The following ARAP2 variants were observed in gnomAD, a reference collection of about 807,000 sequenced individuals.
ARAP2 encodes arf-GAP with Rho-GAP domain, ANK repeat and PH domain-containing protein 2.
ARAP2 carries 148 observed loss-of-function variants against 194.5 expected under a neutral mutation model. That is an observed-to-expected ratio of 0.76 (90% CI 0.67 to 0.87). The LOEUF is 0.87. Among genes scored for constraint, ARAP2 ranks in the 40% least tolerant of loss-of-function variants. The probability of loss-of-function intolerance (pLI) is 0.00; values close to 1 mark genes in which losing one functional copy is unlikely to be tolerated. For synonymous variants in ARAP2, 695 were observed against 683.5 expected, an observed-to-expected ratio of 1.02 and a Z score of -0.26; for missense variants, 2,128 against 1,989.7, an observed-to-expected ratio of 1.07 and a Z score of -1.32.
rs71199697 is a variant in ARAP2 at position 36,134,735 on chromosome 4, T to TACACACAC, written c.3264-1354_3264-1347dup. On this transcript the variant is annotated intron_variant, in intron 19 of 32. Coordinates refer to ENST00000303965, the MANE Select transcript of ARAP2 (RefSeq NM_015230.4). The stretch of plus-strand genomic sequence containing the variant: ...CTCAGGAAACATAAACACACACAAA[T>TACACACAC]ACACACACACACACACACACACACA... Among the ~76,000 whole-genome samples, 933 of 148,160 alleles carry TACACACAC rather than the reference T, an allele frequency of 6.3e-3. 9 individuals are homozygous for TACACACAC. The highest frequency in any genetic ancestry group is 0.022 in the African/African-American group (866 of 40,204).
chr4:36,137,532 C>T (rs749438324), intron 19 of ARAP2, among the ~76,000 whole-genome samples: 3 of 151,714 alleles, frequency 2.0e-5, no homozygotes, highest in Admixed American at 1.3e-4. Context: ...TCACATAAGC[C>T]GAAGTTTTGA....
chr4:36,242,914 C>T (rs930115727), intron 1 of ARAP2, among the ~76,000 whole-genome samples: 19 of 152,138 alleles, frequency 1.2e-4, no homozygotes, highest in African/African-American at 4.3e-4. Context: ...TTAGGAACCA[C>T]CTTAAATGTG....
chr4:36,223,812 C>T (rs931446230), intron 2 of ARAP2, among the ~76,000 whole-genome samples: 1 of 151,894 alleles, frequency 6.6e-6, no homozygotes. Flanking sequence ...GAGCCGTCAC[C>T]AAAACCAAAG....
At chr4:36,244,660 CGCCACCTGGCGCACCTCG>C (rs1754334213), upstream of ARAP2, among the ~76,000 whole-genome samples, 1 of 152,068 alleles carries the variant, frequency 6.6e-6, no homozygotes, top group African/African-American at 2.4e-5. Flanking sequence ...CTGGCACCCT[CGCCACCTGGCGCACCTCG>C]GCCCGGAGGC....
chr4:36,195,308 G>C (rs4832798), intron 6 of ARAP2, among the ~76,000 whole-genome samples: 136,841 of 152,306 alleles, frequency 0.9, 61,599 homozygotes, highest in East Asian at 1. Context: ...ACATCCAACA[G>C]TGTTAGAGCC....
chr4:36,109,278 T>C (rs950079792), intron 26 of ARAP2, among the ~76,000 whole-genome samples: 2 of 151,850 alleles, frequency 1.3e-5, no homozygotes, highest in Non-Finnish European at 2.9e-5. Flanking sequence ...ATTATAATAA[T>C]GGCAAGAATA....
chr4:36,074,572 A>T (rs1017686072), intron 31 of ARAP2, among the ~76,000 whole-genome samples: 1 of 152,104 alleles, frequency 6.6e-6, no homozygotes, highest in Non-Finnish European at 1.5e-5. Context: ...TCCCCAGGGT[A>T]GATTAACTTT....
chr4:36,065,212 G>T, downstream of ARAP2: 3 of 373,776 alleles, frequency 8.0e-6, no homozygotes, highest in South Asian at 4.6e-5. Flanking sequence ...TCTTCAGAGT[G>T]AGCCTGCTCT....
intron 15 of ARAP2, among the ~76,000 whole-genome samples, chr4:36,154,119 T>C (rs754632836): frequency 3.9e-5 from 6 of 152,176 alleles, no homozygotes; most frequent in Non-Finnish European, 7.4e-5. Context: ...GCTTGAACTA[T>C]ATACATTCAA....
At chr4:36,096,473 T>C (rs934461367) in intron 27 of ARAP2, among the ~76,000 whole-genome samples, 5 of 151,614 alleles carry the variant, frequency 3.3e-5, no homozygotes, top group South Asian at 2.1e-4. Context: ...TGTTCACACC[T>C]AAAATTAGCA....
At position 36,107,590 on chromosome 4, in the gene ARAP2, G is replaced by A. The variant is rs543024897; in HGVS notation, c.4260C>T (p.Thr1420=). The A allele has an allele frequency of 2.2e-5, 36 of 1,609,786 alleles. No homozygotes were observed. The highest frequency in any genetic ancestry group is 1.8e-4 in the East Asian group (8 of 44,576). Residue 1420 remains threonine (T), a synonymous_variant, in exon 27 of 33, where the codon ACC becomes ACT. Transcript: ENST00000303965. ...CACTGCAGTGTTTAATTGTGTCAGC[G>A]GTTAAGAATCTCTTCACCACCAGGT... ...SAYLVVKRFL[T]ADTIKHCSDR... is the part of the protein sequence containing the mutation.
chr4:36,207,936 T>C (rs1232187783), intron 6 of ARAP2, among the ~76,000 whole-genome samples: 1 of 152,228 alleles, frequency 6.6e-6, no homozygotes, highest in African/African-American at 2.4e-5. Flanking sequence ...AAGAAAAATA[T>C]GCCTAATGCT....
intron 6 of ARAP2, among the ~76,000 whole-genome samples, chr4:36,200,913 T>C (rs1337445361): frequency 2.6e-5 from 4 of 152,216 alleles, no homozygotes; most frequent in African/African-American, 9.7e-5. Context: ...CTTCACAAAT[T>C]TTAAAAAACA....
At position 36,244,454 on chromosome 4, in the gene ARAP2, G is replaced by A. The variant is rs1754270502; in HGVS notation, c.-435C>T. 1 of 150,292 alleles carries A rather than the reference G, an allele frequency of 6.7e-6. No individual in the cohort carries two copies. Among genetic ancestry groups the A allele is most frequent in the South Asian group, 2.1e-4 (1 of 4,810 alleles). 9.3% of individuals were successfully genotyped at this position (150,292 alleles called of 1,614,324 possible). ...ACCCGCGCTCAGCTCCGGAAACGCC[G>A]AGCCCGGCGCCCGCGCCTTGCTCAG... On this transcript the variant is annotated 5_prime_UTR_variant, in exon 1 of 33. Coordinates refer to ENST00000303965, the MANE Select transcript of ARAP2 (RefSeq NM_015230.4).
intron 8 of ARAP2, among the ~76,000 whole-genome samples, chr4:36,183,379 A>G (rs1295949253): frequency 6.6e-6 from 1 of 152,190 alleles, no homozygotes; most frequent in East Asian, 1.9e-4. Context: ...AACTGAGAGA[A>G]TAACACACGT....
intron 5 of ARAP2, among the ~76,000 whole-genome samples, chr4:36,035,527 C>T (rs947588723): frequency 6.6e-6 from 1 of 151,878 alleles, no homozygotes; most frequent in South Asian, 2.1e-4. Flanking sequence ...TGGATATATG[C>T]CTAGTAATAA....
In ARAP2 at chr4:36,080,232, C is replaced by T. The variant is rs758776809; in HGVS notation, c.4592G>A (p.Ser1531Asn). The T allele has an allele frequency of 3.7e-6, 6 of 1,613,144 alleles. No individual in the cohort carries two copies. In the South Asian group the frequency reaches 5.5e-5, roughly 15 times the overall value. ...ATCTCGTACCTGGGCAATAAAGATA[C>T]TGGTCATCCACTCCGTCTGAGTTCG... Reference protein sequence around the residue: ...SSRTQTEWMTSIFIAQHEYDI... With the variant: ...SSRTQTEWMTNIFIAQHEYDI... Residue 1531 changes from serine (S) to asparagine (N), a missense_variant, in exon 31 of 33, where the codon AGT becomes AAT. Physicochemically the swap from Ser to Asn is conservative, Grantham distance 46. Coordinates refer to ENST00000303965, the MANE Select transcript of ARAP2 (RefSeq NM_015230.4).
At chr4:36,203,586 A>AAAAAC (rs781726222) in intron 6 of ARAP2, among the ~76,000 whole-genome samples, 14 of 152,122 alleles carry the variant, frequency 9.2e-5, no homozygotes, top group African/African-American at 2.4e-4. Context: ...TGTGTCTCAA[A>AAAAAC]AAAACAAAAC....
chr4:36,189,396 A>C (rs949390738), intron 7 of ARAP2, among the ~76,000 whole-genome samples: 2 of 152,146 alleles, frequency 1.3e-5, no homozygotes, highest in African/African-American at 4.8e-5. Context: ...ATTATTCATC[A>C]TCTCTCTGTG....
Sources: allele counts gnomAD v4.1 joint callset (sites outside exome capture counted in the v4.1 genomes callset), GRCh38; gene constraint gnomAD v4.1.1; transcripts MANE v1.5; gene names NCBI Gene and HGNC (gene_info 2026-07-23, HGNC 2026-07-21).